Variants in URI1 observed in about 807,000 individuals in gnomAD.
The protein encoded by URI1 is unconventional prefoldin RPB5 interactor 1.
In URI1, 39 loss-of-function variants were observed where a neutral mutation model predicts 60.2. That is an observed-to-expected ratio of 0.65 (90% CI 0.50 to 0.85). The LOEUF is 0.85. Among genes scored for constraint, URI1 ranks in the 40% least tolerant of loss-of-function variants. URI1 has a pLI of 0.00. For missense variants in URI1, 691 were observed against 665.9 expected (o/e 1.04, Z -0.42); for synonymous variants, 251 against 236.8 (o/e 1.06, Z -0.55).
chr19:29,977,582 T>A (rs2055540394), intron 2 of URI1, among the ~76,000 whole-genome samples: 1 of 8,950 alleles, frequency 1.1e-4, no homozygotes, highest in Non-Finnish European at 2.0e-4. Context: ...TTTTCCCTCC[T>A]CTTGAGCAGA....
At chr19:29,933,321 A>G (rs753627165) in intron 1 of URI1, among the ~76,000 whole-genome samples, 26 of 152,044 alleles carry the variant, frequency 1.7e-4, no homozygotes, top group Non-Finnish European at 3.4e-4. Flanking sequence ...CAGATTTTCT[A>G]TTTCTTCTTG....
chr19:30,011,080 C>G lies in URI1; in HGVS notation c.1036-14C>G. 1.9e-6 allele frequency: 3 copies of G among 1,592,682 alleles called. No homozygotes were observed. The highest frequency in any genetic ancestry group is 2.6e-6 in the Non-Finnish European group (3 of 1,173,270). Reference sequence around the variant, plus strand: ...TTGTCAAAAGATTCTTAATTTCTTGCTCTGAAATTTTAGGTCCGAATAAAT... The same window carrying G: ...TTGTCAAAAGATTCTTAATTTCTTGGTCTGAAATTTTAGGTCCGAATAAAT... On this transcript the variant is annotated splice_polypyrimidine_tract_variant and intron_variant, in intron 8 of 10. Coordinates refer to ENST00000392271, the MANE Select transcript of URI1 (RefSeq NM_003796.3).
chr19:29,988,206 C>T (rs551100501), intron 4 of URI1, among the ~76,000 whole-genome samples: 5 of 151,368 alleles, frequency 3.3e-5, no homozygotes, highest in Non-Finnish European at 7.4e-5. Context: ...CTTTTATTCA[C>T]ATGGTTTTAT....
In URI1 at chr19:30,009,129, G is replaced by C; in HGVS notation, c.811G>C (p.Asp271His). 1 of 1,614,000 alleles carries C rather than the reference G, an allele frequency of 6.2e-7. No individual in the cohort carries two copies. Among genetic ancestry groups the C allele is most frequent in the Non-Finnish European group, 8.5e-7 (1 of 1,179,970 alleles). The change falls in exon 8 of 11, where the codon GAT becomes CAT. Residue 271 changes from aspartate (D) to histidine (H), a missense_variant. By Grantham distance (81) the Asp-to-His change is moderately conservative (BLOSUM62 -1). Transcript: ENST00000392271. ...VTDSHTPCHK[D>H]VASSEPFSGQ... ...AGACTCTCATACTCCTTGTCATAAG[G>C]ATGTTGCAAGTTCAGAACCATTCAG...
At chr19:29,959,970 A>T (rs536185780) in intron 1 of URI1, among the ~76,000 whole-genome samples, 1 of 152,158 alleles carries the variant, frequency 6.6e-6, no homozygotes, top group East Asian at 1.9e-4. Flanking sequence ...TTGAGCTTTA[A>T]ATTTTTCTCT....
rs753330651 is a variant in URI1, at chr19:29,986,406, A to G, written c.356A>G (p.His119Arg). The G allele has an allele frequency of 5.0e-6, 8 of 1,606,822 alleles. No homozygotes were observed. The East Asian group carries it at 1.3e-4, about 27-fold the overall frequency. ...AAGCAGGCTGTAGGTTTAGTTGAGCACCGGAAAGAACGTAGGTACCCATTT... is the reference window on the plus strand; with the variant it reads ...AAGCAGGCTGTAGGTTTAGTTGAGCGCCGGAAAGAACGTAGGTACCCATTT... ...SAKQAVGLVE[H>R]RKEHVRKTID... The change falls in exon 4 of 11, where the codon CAC (histidine) becomes CGC (arginine). Residue 119 changes from histidine (H) to arginine (R), a missense_variant. Coordinates refer to ENST00000392271, the MANE Select transcript of URI1 (RefSeq NM_003796.3).
intron 1 of URI1, among the ~76,000 whole-genome samples, chr19:29,958,888 A>C (rs1298640615): frequency 6.6e-6 from 1 of 151,374 alleles, no homozygotes; most frequent in Non-Finnish European, 1.5e-5. Context: ...TGAACCCGGG[A>C]GGTGGAGGTT....
chr19:30,000,814 G>T (rs1050151447), intron 4 of URI1, among the ~76,000 whole-genome samples: 1 of 151,870 alleles, frequency 6.6e-6, no homozygotes, highest in Non-Finnish European at 1.5e-5. Context: ...GGAGGCTTAA[G>T]TCCTCCAGCC....
intron 2 of URI1, among the ~76,000 whole-genome samples, chr19:29,980,695 C>T (rs548100915): frequency 3.5e-5 from 5 of 143,664 alleles, no homozygotes; most frequent in Admixed American, 7.1e-5. Context: ...GAGGCCGAAG[C>T]GGGTAGATCA....
Position 30,009,147 on chromosome 19 carries a change from C to A in URI1, c.829C>A (p.Pro277Thr). Residue 277 changes from proline to threonine, a missense_variant, in exon 8 of 11, where the codon CCA becomes ACA. Coordinates refer to ENST00000392271, the MANE Select transcript of URI1 (RefSeq NM_003796.3). ...PCHKDVASSE[P>T]FSGQVNSQLN... The stretch of plus-strand genomic sequence containing the variant: ...TCATAAGGATGTTGCAAGTTCAGAA[C>A]CATTCAGTGGTCAAGTGAATAGTCA... 2 of 1,613,922 alleles carry A rather than the reference C, an allele frequency of 1.2e-6. No individual in the cohort carries two copies. The highest frequency in any genetic ancestry group is 1.7e-6 in the Non-Finnish European group (2 of 1,179,972).
rs2056080464 is a variant in URI1, at chr19:30,015,942, G to A, written c.*873G>A. On this transcript the variant is annotated 3_prime_UTR_variant, in exon 11 of 11. Transcript: ENST00000392271. ...TCTTCCCAACATTTTCATTCTTTAA[G>A]GCTACTTTCCTACTAACTGAAATAA... 5.5e-6 allele frequency: 1 copy of A among 180,702 alleles called. No individual in the cohort carries two copies. Among genetic ancestry groups the A allele is most frequent in the African/African-American group, 2.4e-5 (1 of 42,086 alleles). 11.2% of individuals were successfully genotyped at this position (180,702 alleles called of 1,614,324 possible).
At chr19:30,011,001 C>T in intron 8 of URI1, 93 bp from the exon 9 acceptor site, 2 of 1,388,648 alleles carry the variant, frequency 1.4e-6, no homozygotes, top group South Asian at 2.7e-5. Context: ...GCCTCTCTTA[C>T]TATTATTTTT....
intron 2 of URI1, among the ~76,000 whole-genome samples, chr19:29,982,009 T>C (rs898306112): frequency 6.6e-6 from 1 of 152,198 alleles, no homozygotes. Context: ...TATTTAAGCC[T>C]GAAATAATAG....
chr19:29,980,612 TAAAAAAAAA>T (rs71333427), intron 2 of URI1, among the ~76,000 whole-genome samples: 8 of 73,852 alleles, frequency 1.1e-4, no homozygotes, highest in South Asian at 7.0e-4. Flanking sequence ...TTTTTTTTCT[TAAAAAAAAA>T]AAAAAAAAAA....
intron 4 of URI1, among the ~76,000 whole-genome samples, chr19:30,001,710 CCACAGT>C (rs1161147068): frequency 2.6e-5 from 4 of 151,950 alleles, no homozygotes; most frequent in African/African-American, 9.7e-5. Context: ...CTTTTCCCAG[CCACAGT>C]TAGGTTCCAT....
chr19:29,960,068 T>A (rs1429767489), intron 1 of URI1, among the ~76,000 whole-genome samples: 1 of 152,214 alleles, frequency 6.6e-6, no homozygotes, highest in Non-Finnish European at 1.5e-5. Context: ...TATTGTGATT[T>A]GCTCATTGAC....
At chr19:29,953,801 T>C (rs2055208934) in intron 1 of URI1, among the ~76,000 whole-genome samples, 1 of 152,072 alleles carries the variant, frequency 6.6e-6, no homozygotes, top group Admixed American at 6.5e-5. Flanking sequence ...TCCTGTAGTG[T>C]ATCTTAGACT....
chr19:29,942,049 AAAAG>A (rs1036224347), upstream of URI1, among the ~76,000 whole-genome samples: 15 of 131,410 alleles, frequency 1.1e-4, no homozygotes, highest in Admixed American at 2.3e-4. Context: ...CAAAAAAAAA[AAAAG>A]AAAGAAATAT....
chr19:29,981,738 G>A (rs2055600143), intron 2 of URI1, among the ~76,000 whole-genome samples: 1 of 152,060 alleles, frequency 6.6e-6, no homozygotes, highest in African/African-American at 2.4e-5. Flanking sequence ...TAAGTAAGTA[G>A]GCTGGAGAGG....
Sources: allele counts gnomAD v4.1 joint callset (sites outside exome capture counted in the v4.1 genomes callset), GRCh38; gene constraint gnomAD v4.1.1; transcripts MANE v1.5; gene names NCBI Gene and HGNC (gene_info 2026-07-23, HGNC 2026-07-21).